Variants in PTCSC3 observed in about 807,000 individuals in gnomAD.
PTCSC3 encodes the protein papillary thyroid carcinoma susceptibility candidate 3 (non-protein coding).
intron 3 of PTCSC3, among the ~76,000 whole-genome samples, chr14:36,150,747 G>T (rs538606185): frequency 2.6e-5 from 4 of 152,054 alleles, no homozygotes; most frequent in Middle Eastern, 3.4e-3. Flanking sequence ...AATAATCTAA[G>T]TTCACTATCA....
intron 1 of PTCSC3, among the ~76,000 whole-genome samples, chr14:36,168,177 T>A (rs970943901): frequency 6.6e-6 from 1 of 151,966 alleles, no homozygotes; most frequent in South Asian, 2.1e-4. Context: ...TTTGGCTGAA[T>A]AGGCCACTTT....
chr14:36,149,154 C>G (rs529870712), intron 3 of PTCSC3, among the ~76,000 whole-genome samples: 149 of 152,146 alleles, frequency 9.8e-4, no homozygotes, highest in Middle Eastern at 3.4e-3. Flanking sequence ...TCCCTCTAGA[C>G]ATTGTTCTTG....
chr14:36,175,066 G>A (rs1009164764), intron 1 of PTCSC3, among the ~76,000 whole-genome samples: 2 of 152,118 alleles, frequency 1.3e-5, no homozygotes, highest in African/African-American at 2.4e-5. Context: ...GGAGATCCCT[G>A]CTGGATTCTG....
chr14:36,158,270 G>A (rs151287189), intron 2 of PTCSC3, among the ~76,000 whole-genome samples: 3 of 152,080 alleles, frequency 2.0e-5, no homozygotes, highest in Non-Finnish European at 1.5e-5. Flanking sequence ...GATTGCCCTG[G>A]CCAGAAGTTC....
At chr14:36,139,182 C>T (rs1881363348) in intron 3 of PTCSC3, among the ~76,000 whole-genome samples, 1 of 140,848 alleles carries the variant, frequency 7.1e-6, no homozygotes, top group Non-Finnish European at 1.5e-5. Context: ...CATGGATGAA[C>T]ATAGAATCTT....
intron 3 of PTCSC3, among the ~76,000 whole-genome samples, chr14:36,139,209 G>A (rs1161814184): frequency 6.6e-6 from 1 of 150,740 alleles, no homozygotes; most frequent in Admixed American, 6.6e-5. Context: ...TAAGAGCCTT[G>A]AACTGAAAAC....
chr14:36,142,384 G>C (rs573882349), intron 3 of PTCSC3, among the ~76,000 whole-genome samples: 1 of 152,068 alleles, frequency 6.6e-6, no homozygotes, highest in African/African-American at 2.4e-5. Context: ...TGATTTCCTC[G>C]TATTTTGTTG....
At chr14:36,147,585 A>G (rs1020251247) in intron 3 of PTCSC3, among the ~76,000 whole-genome samples, 1 of 151,806 alleles carries the variant, frequency 6.6e-6, no homozygotes, top group Non-Finnish European at 1.5e-5. Flanking sequence ...CAAAATTTTC[A>G]ACTTCTTTGC....
intron 1 of PTCSC3, among the ~76,000 whole-genome samples, chr14:36,168,760 T>C (rs949418286): frequency 1.3e-5 from 2 of 152,058 alleles, no homozygotes; most frequent in Admixed American, 6.6e-5. Flanking sequence ...GAACTGCAAG[T>C]ACCTGACACT....
In PTCSC3 at chr14:36,154,896, T is replaced by C. The variant is rs553322933; in HGVS notation, n.232-1002A>G. ...TTTGATATGACCCAGTCTGAATACA[T>C]TGAGTCACCAAATGAAGGAATTTTT... On this transcript the variant is annotated intron_variant and non_coding_transcript_variant, in intron 2 of 3. Transcript: ENST00000556013. Among the ~76,000 whole-genome samples, 102 of 152,342 alleles carry C rather than the reference T, an allele frequency of 6.7e-4. 1 individual carries two copies. In the South Asian group the frequency reaches 0.012, roughly 17 times the overall value.
chr14:36,161,679 CTCAG>C (rs1385574033), intron 2 of PTCSC3, among the ~76,000 whole-genome samples: 1 of 152,218 alleles, frequency 6.6e-6, no homozygotes. Flanking sequence ...GGAGGTGTCT[CTCAG>C]TCAGGAGACA....
chr14:36,156,515 C>T (rs115560496), intron 2 of PTCSC3, among the ~76,000 whole-genome samples: 3,643 of 152,092 alleles, frequency 0.024, 139 homozygotes, highest in African/African-American at 0.084. Flanking sequence ...TGCACCCATC[C>T]GCCCGTCATC....
At chr14:36,137,577 A>C (rs1016440753) in intron 3 of PTCSC3, among the ~76,000 whole-genome samples, 5 of 152,092 alleles carry the variant, frequency 3.3e-5, no homozygotes, top group African/African-American at 1.2e-4. Flanking sequence ...CATAATGAGA[A>C]ATGGTTGGAT....
At chr14:36,155,022 T>G (rs1881799751) in intron 2 of PTCSC3, among the ~76,000 whole-genome samples, 1 of 152,180 alleles carries the variant, frequency 6.6e-6, no homozygotes, top group African/African-American at 2.4e-5. Flanking sequence ...TATTCTCTGC[T>G]GGAGCTTTTT....
intron 2 of PTCSC3, among the ~76,000 whole-genome samples, chr14:36,160,736 G>T (rs1881936616): frequency 6.6e-6 from 1 of 152,086 alleles, no homozygotes; most frequent in Non-Finnish European, 1.5e-5. Flanking sequence ...TCTTTGTGGT[G>T]TTCTCTGTAT....
At chr14:36,147,397 CTTCATTTCA>C (rs1250280460) in intron 3 of PTCSC3, among the ~76,000 whole-genome samples, 1 of 152,134 alleles carries the variant, frequency 6.6e-6, no homozygotes, top group Non-Finnish European at 1.5e-5. Context: ...TCCCTTCTCC[CTTCATTTCA>C]TTCATTTCAT....
chr14:36,156,933 A>T (rs1405031900), intron 2 of PTCSC3, among the ~76,000 whole-genome samples: 2 of 152,186 alleles, frequency 1.3e-5, no homozygotes, highest in Non-Finnish European at 1.5e-5. Context: ...AAACCCAGTA[A>T]TAGGATTGCT....
At chr14:36,161,112 A>G (rs1169145) in intron 2 of PTCSC3, among the ~76,000 whole-genome samples, 90,839 of 151,936 alleles carry the variant, frequency 0.6, 27,852 homozygotes, top group Middle Eastern at 0.67. Context: ...TCTAGTTAGC[A>G]ATTAGTCTAA....
intron 1 of PTCSC3, among the ~76,000 whole-genome samples, chr14:36,169,358 C>T (rs1025224061): frequency 4.6e-5 from 7 of 152,036 alleles, no homozygotes; most frequent in African/African-American, 1.2e-4. Flanking sequence ...TACCATTATT[C>T]GTGGTGTCTC....
Sources: gnomAD v4.1 joint callset for allele counts (sites outside exome capture counted in the v4.1 genomes callset) on GRCh38, gnomAD v4.1.1 for gene constraint, MANE v1.5 for transcripts, NCBI Gene and HGNC (gene_info 2026-07-23, HGNC 2026-07-21) for gene names.